The following ARHGAP24 variants were observed in gnomAD, a reference collection of about 807,000 sequenced individuals.
ARHGAP24 encodes Rho GTPase activating protein 24.
A neutral mutation model predicts 76.4 loss-of-function variants in ARHGAP24; 50 were observed. The ratio of observed to expected loss-of-function variants is 0.65; its 90% CI spans 0.52 to 0.83. The LOEUF is 0.83. Ranked by LOEUF, ARHGAP24 falls within the 40% of genes least tolerant of loss-of-function variation. The probability of loss-of-function intolerance (pLI) is 0.00; values close to 1 mark genes in which losing one functional copy is unlikely to be tolerated. For synonymous variants in ARHGAP24, 345 were observed against 323.3 expected, an observed-to-expected ratio of 1.07 and a Z score of -0.72; for missense variants, 930 against 914.2, an observed-to-expected ratio of 1.02 and a Z score of -0.22.
intron 1 of ARHGAP24, among the ~76,000 whole-genome samples, chr4:85,566,311 T>C (rs1212465135): frequency 3.3e-5 from 5 of 152,336 alleles, no homozygotes; most frequent in South Asian, 2.1e-4. Context: ...CTCTGAGAAT[T>C]TGAGTGAATA....
chr4:85,649,297 G>C (rs1437309889), intron 2 of ARHGAP24, among the ~76,000 whole-genome samples: 1 of 151,990 alleles, frequency 6.6e-6, no homozygotes, highest in Non-Finnish European at 1.5e-5. Flanking sequence ...ATTAAATCAG[G>C]CATTGTGTTT....
At chr4:85,495,708 A>G (rs1230160450) in intron 1 of ARHGAP24, among the ~76,000 whole-genome samples, 1 of 152,062 alleles carries the variant, frequency 6.6e-6, no homozygotes, top group Non-Finnish European at 1.5e-5. Flanking sequence ...GAGATTGACT[A>G]CTAGTAGTGT....
At chr4:85,589,502 AT>A (rs1727998063) in intron 2 of ARHGAP24, among the ~76,000 whole-genome samples, 1 of 152,188 alleles carries the variant, frequency 6.6e-6, no homozygotes, top group Admixed American at 6.5e-5. Flanking sequence ...TACAATTAAT[AT>A]TTGAGTAAGT....
intron 3 of ARHGAP24, among the ~76,000 whole-genome samples, chr4:85,871,841 A>G (rs1484514684): frequency 6.6e-6 from 1 of 152,124 alleles, no homozygotes; most frequent in Non-Finnish European, 1.5e-5. Flanking sequence ...ACAAAGAAAT[A>G]TATTATATTA....
chr4:85,735,824 A>G (rs1725584937), intron 3 of ARHGAP24, among the ~76,000 whole-genome samples: 1 of 152,208 alleles, frequency 6.6e-6, no homozygotes, highest in African/African-American at 2.4e-5. Context: ...ATAAAACATT[A>G]CATTAAAAAG....
intron 2 of ARHGAP24, among the ~76,000 whole-genome samples, chr4:85,607,379 G>A (rs993976066): frequency 3.3e-5 from 5 of 151,730 alleles, no homozygotes; most frequent in African/African-American, 9.7e-5. Context: ...AGGGAGGAAC[G>A]GAGGGAGGAA....
chr4:85,835,098 G>A (rs1162771592), intron 3 of ARHGAP24, among the ~76,000 whole-genome samples: 1 of 152,092 alleles, frequency 6.6e-6, no homozygotes, highest in African/African-American at 2.4e-5. Flanking sequence ...TTTGAATCAT[G>A]TTTGCTGTCA....
intron 2 of ARHGAP24, among the ~76,000 whole-genome samples, chr4:85,621,121 T>G (rs551858817): frequency 1.3e-5 from 2 of 152,146 alleles, no homozygotes; most frequent in Non-Finnish European, 2.9e-5. Flanking sequence ...TCTTTTTTTG[T>G]GGCTGTGTAG....
At chr4:85,631,738 A>G (rs749224866) in intron 2 of ARHGAP24, among the ~76,000 whole-genome samples, 3 of 152,182 alleles carry the variant, frequency 2.0e-5, no homozygotes, top group South Asian at 4.1e-4. Context: ...AAACAAATGT[A>G]TCTATTGAAC....
At chr4:85,850,334 T>C (rs1293250528) in intron 3 of ARHGAP24, among the ~76,000 whole-genome samples, 1 of 152,188 alleles carries the variant, frequency 6.6e-6, no homozygotes, top group Non-Finnish European at 1.5e-5. Context: ...TTGATTCTTC[T>C]CTCTTTTCTT....
intron 2 of ARHGAP24, among the ~76,000 whole-genome samples, chr4:85,667,039 G>A (rs1379368876): frequency 6.6e-6 from 1 of 152,144 alleles, no homozygotes; most frequent in African/African-American, 2.4e-5. Context: ...TGTCAGACAG[G>A]GACATTTAAG....
chr4:85,850,826 A>T (rs535498201), intron 3 of ARHGAP24, among the ~76,000 whole-genome samples: 14 of 152,180 alleles, frequency 9.2e-5, no homozygotes, highest in African/African-American at 3.1e-4. Flanking sequence ...GTTTGTTGTG[A>T]TTTCTGTTCT....
intron 2 of ARHGAP24, among the ~76,000 whole-genome samples, chr4:85,577,577 C>T (rs959360657): frequency 6.6e-6 from 1 of 152,026 alleles, no homozygotes; most frequent in Non-Finnish European, 1.5e-5. Context: ...AGCAGAGGAG[C>T]GCGAGAGTGA....
intron 3 of ARHGAP24, among the ~76,000 whole-genome samples, chr4:85,734,841 A>C (rs1271369389): frequency 6.6e-6 from 1 of 151,990 alleles, no homozygotes; most frequent in Non-Finnish European, 1.5e-5. Context: ...CACTTTGGCT[A>C]TAACTGATGC....
At chr4:85,643,754 G>T (rs1560566541) in intron 2 of ARHGAP24, among the ~76,000 whole-genome samples, 1 of 152,024 alleles carries the variant, frequency 6.6e-6, no homozygotes, top group African/African-American at 2.4e-5. Flanking sequence ...AGTATCTTTT[G>T]ATATTGGTTT....
intron 2 of ARHGAP24, among the ~76,000 whole-genome samples, chr4:85,705,359 T>C (rs893428077): frequency 6.6e-6 from 1 of 152,210 alleles, no homozygotes; most frequent in African/African-American, 2.4e-5. Context: ...CGAATATACA[T>C]GTACAAATAA....
intron 3 of ARHGAP24, among the ~76,000 whole-genome samples, chr4:85,799,750 A>G (rs1449395805): frequency 6.6e-6 from 1 of 152,204 alleles, no homozygotes; most frequent in African/African-American, 2.4e-5. Flanking sequence ...TGGCAGCATC[A>G]CTTAGCCAAG....
chr4:85,679,963 T>C (rs920851367), intron 2 of ARHGAP24, among the ~76,000 whole-genome samples: 13 of 152,214 alleles, frequency 8.5e-5, no homozygotes, highest in Non-Finnish European at 1.6e-4. Flanking sequence ...ATATTTTTAG[T>C]CTGAAGGTTT....
chr4:85,896,825 GTCTGGGTTGCTGC>G (rs1734205297), intron 3 of ARHGAP24, among the ~76,000 whole-genome samples: 1 of 152,072 alleles, frequency 6.6e-6, no homozygotes, highest in Admixed American at 6.6e-5. Flanking sequence ...ATGTAGATTG[GTCTGGGTTGCTGC>G]TCAAGACATT....
Sources: gnomAD v4.1 joint callset for allele counts (sites outside exome capture counted in the v4.1 genomes callset) on GRCh38, gnomAD v4.1.1 for gene constraint, MANE v1.5 for transcripts, NCBI Gene and HGNC (gene_info 2026-07-23, HGNC 2026-07-21) for gene names.